The following LILRB1 variants were observed in gnomAD, a reference collection of about 807,000 sequenced individuals.
LILRB1 encodes the protein leukocyte immunoglobulin like receptor B1.
A neutral mutation model predicts 74.6 loss-of-function variants in LILRB1; 59 were observed. The ratio of observed to expected loss-of-function variants is 0.79; its 90% CI spans 0.64 to 0.98. The LOEUF (loss-of-function observed/expected upper bound fraction) is 0.98. Ranked by LOEUF, LILRB1 falls within the 50% of genes least tolerant of loss-of-function variation. LILRB1 has a pLI of 0.00. For missense variants in LILRB1, 804 were observed against 822.6 expected (o/e 0.98, Z 0.28); for synonymous variants, 328 against 333.9 (o/e 0.98, Z 0.19).
intron 9 of LILRB1, 74 bp from the exon 10 acceptor site, chr19:54,634,567 C>T: frequency 3.3e-6 from 5 of 1,534,002 alleles, no homozygotes; most frequent in Non-Finnish European, 4.4e-6. Context: ...AACAGAAGGT[C>T]CAGCAGTCAC....
In LILRB1 at chr19:54,636,967, C is replaced by A; in HGVS notation, c.*89C>A. The A allele has an allele frequency of 6.5e-7, 1 of 1,541,124 alleles. No homozygotes were observed. The highest frequency in any genetic ancestry group is 8.9e-7 in the Non-Finnish European group (1 of 1,127,282). On this transcript the variant is annotated 3_prime_UTR_variant, in exon 15 of 15. Transcript: ENST00000324602. ...GTGGACACCATTGGACCCCACCCAG[C>A]CTGGATCTACCCCAGGAGACTCTGG... is the stretch of plus-strand genomic sequence containing the variant.
intron 1 of LILRB1, among the ~76,000 whole-genome samples, chr19:54,617,726 T>C (rs1005347782): frequency 1.3e-5 from 2 of 152,122 alleles, no homozygotes; most frequent in Non-Finnish European, 2.9e-5. Flanking sequence ...GCTGATTTTT[T>C]CTCCTAAAAA....
upstream of LILRB1, chr19:54,630,316 A>C: frequency 5.4e-6 from 1 of 186,176 alleles, no homozygotes; most frequent in South Asian, 4.9e-5. Context: ...AAGTAAGCAA[A>C]GGGCACCGAG....
At chr19:54,621,119 CT>C (rs1383147048) in intron 1 of LILRB1, among the ~76,000 whole-genome samples, 1 of 152,216 alleles carries the variant, frequency 6.6e-6, no homozygotes, top group Non-Finnish European at 1.5e-5. Context: ...GGTGATCTGC[CT>C]GTCTTGGCCT....
chr19:54,617,788 G>T (rs1381253414), intron 1 of LILRB1, among the ~76,000 whole-genome samples: 1 of 151,948 alleles, frequency 6.6e-6, no homozygotes, highest in Non-Finnish European at 1.5e-5. Context: ...AACTGCCTGG[G>T]GTAAGGAAAC....
upstream of LILRB1, among the ~76,000 whole-genome samples, chr19:54,627,325 G>A (rs896706516): frequency 1.4e-4 from 21 of 152,118 alleles, no homozygotes; most frequent in Admixed American, 2.6e-4. Flanking sequence ...GTTAAACTTC[G>A]TAACCCAATC....
intron 4 of LILRB1, 64 bp downstream of exon 4, chr19:54,631,851 G>C: frequency 6.2e-7 from 1 of 1,605,858 alleles, no homozygotes; most frequent in Non-Finnish European, 8.5e-7. Context: ...CGGCTCTCAG[G>C]GGCTTCTCCC....
Position 54,631,253 on chromosome 19 carries a change from C to A in LILRB1, c.35-18C>A. On this transcript the variant is annotated intron_variant, in intron 2 of 14. Coordinates refer to ENST00000324602, the MANE Select transcript of LILRB1 (RefSeq NM_001081637.3). The stretch of plus-strand genomic sequence containing the variant: ...CAGGCTTCAGGGGGCAAATCCCTCA[C>A]CGGGAACTCTCTTCCAGGGCTGAGT... The A allele has an allele frequency of 1.3e-6, 2 of 1,497,132 alleles. No individual in the cohort carries two copies. The highest frequency in any genetic ancestry group is 1.8e-6 in the Non-Finnish European group (2 of 1,121,924). The allele number at this position is 1,497,132 out of a possible 1,614,324, so 92.7% of individuals were successfully genotyped here.
Position 54,637,963 on chromosome 19 carries a change from GTA to G in LILRB1, c.*1093_*1094del, listed in dbSNP as rs899744506. Among the ~76,000 whole-genome samples, 13 of 151,878 alleles carry G rather than the reference GTA, an allele frequency of 8.6e-5. No individual in the cohort carries two copies. Among genetic ancestry groups the G allele is most frequent in the African/African-American group, 2.7e-4 (11 of 41,210 alleles). ...ACTCATTTTAGATGTGTGTGTGTGT[GTA>G]TATATATGTGTGTGTGTGTGAAAAA... On this transcript the variant is annotated 3_prime_UTR_variant, in exon 15 of 15. Transcript: ENST00000324602.
rs550006780 is a variant in LILRB1, at chr19:54,631,884, T to C, written c.359-51T>C. On this transcript the variant is annotated intron_variant, in intron 4 of 14. Coordinates refer to ENST00000324602, the MANE Select transcript of LILRB1 (RefSeq NM_001081637.3). Reference sequence around the variant, plus strand: ...CCCTCTCACAGCCCAGCCCTGGGGATGACGCGGGTGGTCTGAGCCACATTT... The same window carrying C: ...CCCTCTCACAGCCCAGCCCTGGGGACGACGCGGGTGGTCTGAGCCACATTT... 4.4e-6 allele frequency: 7 copies of C among 1,607,344 alleles called. No homozygotes were observed. In the Admixed American group the frequency reaches 1.0e-4, roughly 23 times the overall value.
intron 9 of LILRB1, 94 bp downstream of exon 9, chr19:54,634,115 A>G (rs117460180): frequency 0.099 from 150,035 of 1,522,264 alleles, 8,371 homozygotes; most frequent in Non-Finnish European, 0.1. Context: ...AGGTGGTGAT[A>G]TAGACAGGCT....
rs779482868 is a variant in LILRB1 at position 54,633,998 on chromosome 19, C to A, written c.1340C>A (p.Pro447His). The stretch of plus-strand genomic sequence containing the variant: ...GGCCCTGAGGACCAGCCCCTCACCC[C>A]CACCGGGTCGGATCCCCAGAGTGGT... ...SAGPEDQPLT[P>H]TGSDPQSGLG... The change falls in exon 9 of 15, where the codon CCC (proline) becomes CAC (histidine). Residue 447 changes from proline (P) to histidine (H), a missense_variant. Coordinates refer to ENST00000324602, the MANE Select transcript of LILRB1 (RefSeq NM_001081637.3). 1.3e-6 allele frequency: 2 copies of A among 1,598,750 alleles called. No individual in the cohort carries two copies. The highest frequency in any genetic ancestry group is 1.1e-5 in the South Asian group (1 of 88,034).
chr19:54,624,251 C>T (rs1045951117), intron 1 of LILRB1, among the ~76,000 whole-genome samples: 3 of 152,158 alleles, frequency 2.0e-5, no homozygotes, highest in African/African-American at 4.8e-5. Flanking sequence ...GAGGTCTCTG[C>T]GGGGGGTGAA....
At chr19:54,632,279 A>G in intron 5 of LILRB1, 42 bp downstream of exon 5, 2 of 1,567,252 alleles carry the variant, frequency 1.3e-6, no homozygotes, top group Non-Finnish European at 1.7e-6. Flanking sequence ...CTGAGTCTCC[A>G]GGCAGGTGGG....
chr19:54,619,450 G>T (rs1259438518), intron 1 of LILRB1, among the ~76,000 whole-genome samples: 3 of 152,016 alleles, frequency 2.0e-5, no homozygotes, highest in Admixed American at 6.6e-5. Context: ...CTAAATAATT[G>T]GTTAAAACAA....
At chr19:54,634,323 G>A in intron 9 of LILRB1, 8 of 1,540,634 alleles carry the variant, frequency 5.2e-6, no homozygotes, top group African/African-American at 2.7e-5. Context: ...GGGGAGGGGA[G>A]AAGAGTCATG....
In LILRB1 at chr19:54,632,606, C is replaced by A; in HGVS notation, c.804C>A (p.Leu268=). Residue 268 remains leucine, a synonymous_variant, in exon 6 of 15, where the codon CTC becomes CTA. Coordinates refer to ENST00000324602, the MANE Select transcript of LILRB1 (RefSeq NM_001081637.3). ...ACGGGGAACGTGACTTCCTTCAGCT[C>A]GCTGGCGCACAGCCCCAGGCTGGGC... ...YKDGERDFLQ[L]AGAQPQAGLS... is the part of the protein sequence containing the mutation. The A allele has an allele frequency of 1.2e-6, 2 of 1,614,136 alleles. No homozygotes were observed. Among genetic ancestry groups the A allele is most frequent in the South Asian group, 1.1e-5 (1 of 91,084 alleles).
Position 54,637,479 on chromosome 19 carries a change from C to T in LILRB1, c.*601C>T, listed in dbSNP as rs2073944460. 2 of 147,802 alleles carry T rather than the reference C, an allele frequency of 1.4e-5. No individual in the cohort carries two copies. The highest frequency in any genetic ancestry group is 2.1e-4 in the South Asian group (1 of 4,702). The allele number at this position is 147,802 out of a possible 1,614,324, so 9.2% of individuals were successfully genotyped here. ...GTCAGAGGTTTCAGTGAGCCAAGAT[C>T]GCACCACTGCTCTCCAGCCTGGCGA... On this transcript the variant is annotated 3_prime_UTR_variant, in exon 15 of 15. Transcript: ENST00000324602.
chr19:54,629,127 C>T (rs1042097092), upstream of LILRB1, among the ~76,000 whole-genome samples: 1 of 152,190 alleles, frequency 6.6e-6, no homozygotes, highest in African/African-American at 2.4e-5. Flanking sequence ...CTTATATGCA[C>T]ACTTTTTTCA....
Sources: allele counts gnomAD v4.1 joint callset (sites outside exome capture counted in the v4.1 genomes callset), GRCh38; gene constraint gnomAD v4.1.1; transcripts MANE v1.5; gene names NCBI Gene and HGNC (gene_info 2026-07-23, HGNC 2026-07-21).